Variants in MYZAP observed in about 807,000 individuals in gnomAD.
MYZAP encodes GRINL1A complex locus upstream.
MYZAP carries 66 observed loss-of-function variants against 69.4 expected under a neutral mutation model. The observed-to-expected ratio is 0.95, with a 90% CI of 0.78 to 1.17. MYZAP has a LOEUF of 1.17. Ranked by LOEUF, MYZAP falls within the 50% of genes most tolerant of loss-of-function variation. The pLI is 0.00. For synonymous variants in MYZAP, 256 were observed against 205.9 expected, an observed-to-expected ratio of 1.24 and a Z score of -2.09; for missense variants, 611 against 556.2, an observed-to-expected ratio of 1.10 and a Z score of -0.99.
At chr15:57,654,503 A>G (rs2037909414) in intron 10 of MYZAP, among the ~76,000 whole-genome samples, 1 of 152,154 alleles carries the variant, frequency 6.6e-6, no homozygotes. Context: ...CAGCTGGTGA[A>G]AGAAAATACC....
chr15:57,624,286 G>C (rs1860871842), intron 4 of MYZAP, among the ~76,000 whole-genome samples: 1 of 152,222 alleles, frequency 6.6e-6, no homozygotes, highest in Non-Finnish European at 1.5e-5. Flanking sequence ...AGTTACAACA[G>C]TCATGCATCA....
At chr15:57,615,103 T>C (rs1171608291) in intron 2 of MYZAP, among the ~76,000 whole-genome samples, 1 of 152,100 alleles carries the variant, frequency 6.6e-6, no homozygotes, top group African/African-American at 2.4e-5. Context: ...CCTGGGGGCG[T>C]TTTATTTAGA....
At chr15:57,620,876 T>C (rs1189610938) in intron 3 of MYZAP, among the ~76,000 whole-genome samples, 1 of 152,096 alleles carries the variant, frequency 6.6e-6, no homozygotes, top group East Asian at 1.9e-4. Flanking sequence ...TTTGCCCAAC[T>C]GTCATTTGAG....
At chr15:57,610,033 C>A (rs9920308) in intron 2 of MYZAP, among the ~76,000 whole-genome samples, 62,049 of 151,980 alleles carry the variant, frequency 0.41, 12,915 homozygotes, top group East Asian at 0.56. Context: ...AATTTTAGGG[C>A]ATCTGATCTG....
At chr15:57,679,376 T>TG (rs57864057) in intron 12 of MYZAP, among the ~76,000 whole-genome samples, 7 of 135,792 alleles carry the variant, frequency 5.2e-5, no homozygotes, top group South Asian at 2.3e-4. Flanking sequence ...GTGTGTGTGT[T>TG]TCTCTCTCTC....
intron 12 of MYZAP, among the ~76,000 whole-genome samples, chr15:57,679,360 G>GTGTGTA (rs2039308503): frequency 2.5e-5 from 1 of 40,008 alleles, no homozygotes; most frequent in Non-Finnish European, 5.2e-5. Flanking sequence ...GTGTGTGTGT[G>GTGTGTA]TGTGTGTGTG....
At chr15:57,619,070 T>C (rs1424777236) in intron 3 of MYZAP, among the ~76,000 whole-genome samples, 1 of 152,228 alleles carries the variant, frequency 6.6e-6, no homozygotes, top group Non-Finnish European at 1.5e-5. Flanking sequence ...CATGTTGAGA[T>C]TGTGGGGGTT....
rs935996059 is a variant in MYZAP at position 57,685,029 on chromosome 15, C to G, written c.*531C>G. 1.6e-4 allele frequency: 25 copies of G among 153,760 alleles called. No individual in the cohort carries two copies. Among genetic ancestry groups the G allele is most frequent in the African/African-American group, 6.0e-4 (25 of 41,580 alleles). 9.5% of individuals were successfully genotyped at this position (153,760 alleles called of 1,614,324 possible). ...TGCAGGTGCTCTTTCCTCTTGGTCC[C>G]AAGCATCTGTGCAGGGTCGTGGGAG... On this transcript the variant is annotated 3_prime_UTR_variant, in exon 13 of 13. Coordinates refer to ENST00000267853, the MANE Select transcript of MYZAP (RefSeq NM_001018100.5).
chr15:57,653,308 T>C (rs1381819558), intron 10 of MYZAP, among the ~76,000 whole-genome samples: 1 of 152,230 alleles, frequency 6.6e-6, no homozygotes, highest in South Asian at 2.1e-4. Flanking sequence ...TTTGAAAATT[T>C]GACAATTTCG....
chr15:57,593,188 G>GCATGCGCGCGCGCGCACACACACACA, intron 1 of MYZAP, among the ~76,000 whole-genome samples: 150 of 114,204 alleles, frequency 1.3e-3, no homozygotes, highest in Admixed American at 2.3e-3. Context: ...GTACACAGGC[G>GCATGCGCGCGCGCGCACACACACACA]CACACACACA....
At chr15:57,632,343 T>G in intron 6 of MYZAP, 91 bp from the exon 7 acceptor site, 1 of 1,578,556 alleles carries the variant, frequency 6.3e-7, no homozygotes, top group Non-Finnish European at 8.6e-7. Flanking sequence ...GCTCACTACC[T>G]CTGTGAGTCC....
At chr15:57,610,715 G>A (rs182611928) in intron 2 of MYZAP, among the ~76,000 whole-genome samples, 116 of 152,260 alleles carry the variant, frequency 7.6e-4, no homozygotes, top group Non-Finnish European at 1.2e-3. Flanking sequence ...AAGGTGCAGC[G>A]GGTGGAGCTG....
chr15:57,619,678 A>C (rs2035691853), intron 3 of MYZAP, among the ~76,000 whole-genome samples: 1 of 152,212 alleles, frequency 6.6e-6, no homozygotes, highest in African/African-American at 2.4e-5. Flanking sequence ...AACCATTCAG[A>C]ATATTCAATT....
At chr15:57,637,563 T>C (rs1361060384) in intron 8 of MYZAP, 132 bp from the exon 9 acceptor site, 1 of 859,270 alleles carries the variant, frequency 1.2e-6, no homozygotes, top group African/African-American at 1.7e-5. Flanking sequence ...TGTTTGGGCT[T>C]TGCTGAGCAG....
chr15:57,631,730 A>G (rs1466403122), intron 6 of MYZAP, among the ~76,000 whole-genome samples: 2 of 152,232 alleles, frequency 1.3e-5, no homozygotes, highest in South Asian at 2.1e-4. Flanking sequence ...AAATAACATC[A>G]TGTAACCTAT....
chr15:57,593,188 G>GCATGCGCGCGCACACACACACACA lies in MYZAP; in HGVS notation c.75+1081_75+1082insTGCGCGCGCACACACACACACACA. Among the ~76,000 whole-genome samples the GCATGCGCGCGCACACACACACACA allele has an allele frequency of 3.0e-4, 34 of 114,202 alleles. 2 individuals carry two copies. The highest frequency in any genetic ancestry group is 1.2e-3 in the Admixed American group (14 of 11,582). The allele number at this position is 114,202 out of a possible 152,430, so 74.9% of individuals were successfully genotyped here. ...AGACACTTAGGTTGTGTACACAGGC[G>GCATGCGCGCGCACACACACACACA]CACACACACACACACACACACACAC... On this transcript the variant is annotated intron_variant, in intron 1 of 12. Coordinates refer to ENST00000267853, the MANE Select transcript of MYZAP (RefSeq NM_001018100.5).
At chr15:57,603,081 G>T (rs2034518838) in intron 1 of MYZAP, among the ~76,000 whole-genome samples, 1 of 152,046 alleles carries the variant, frequency 6.6e-6, no homozygotes, top group Admixed American at 6.6e-5. Context: ...GTGCAATTTA[G>T]ACTTTAAAAA....
At chr15:57,646,327 T>A in intron 10 of MYZAP, 4 of 1,198,880 alleles carry the variant, frequency 3.3e-6, no homozygotes, top group Non-Finnish European at 4.2e-6. Flanking sequence ...GGACATATTA[T>A]TTAAAGGAAA....
At chr15:57,681,609 C>G (rs1170901907) in intron 12 of MYZAP, among the ~76,000 whole-genome samples, 1 of 152,160 alleles carries the variant, frequency 6.6e-6, no homozygotes, top group Admixed American at 6.5e-5. Flanking sequence ...CCCAGTGAAA[C>G]TCCGTCTCTA....
Sources: gnomAD v4.1 joint callset for allele counts (sites outside exome capture counted in the v4.1 genomes callset) on GRCh38, gnomAD v4.1.1 for gene constraint, MANE v1.5 for transcripts, NCBI Gene and HGNC (gene_info 2026-07-23, HGNC 2026-07-21) for gene names.